The following DSCAML1 variants were observed in gnomAD, a reference collection of about 807,000 sequenced individuals.
The protein encoded by DSCAML1 is cell adhesion molecule DSCAML1.
A neutral mutation model predicts 200.5 loss-of-function variants in DSCAML1; 38 were observed. The ratio of observed to expected loss-of-function variants is 0.19; its 90% CI spans 0.15 to 0.25. The LOEUF is 0.25. Among genes scored for constraint, DSCAML1 ranks in the 10% least tolerant of loss-of-function variants. The pLI, the probability that DSCAML1 is intolerant of heterozygous loss-of-function variation, is 1.00. For missense variants in DSCAML1, 2,223 were observed against 2,858.8 expected (o/e 0.78, Z 5.07); for synonymous variants, 1,215 against 1,165.0 (o/e 1.04, Z -0.87).
intron 3 of DSCAML1, among the ~76,000 whole-genome samples, chr11:117,603,727 G>A (rs536756435): frequency 4.6e-5 from 7 of 152,144 alleles, no homozygotes; most frequent in Non-Finnish European, 8.8e-5. Context: ...AATCATTCTG[G>A]GTAATGAAGA....
intron 1 of DSCAML1, among the ~76,000 whole-genome samples, chr11:117,817,228 C>A (rs1366932974): frequency 1.3e-5 from 2 of 152,220 alleles, no homozygotes; most frequent in South Asian, 2.1e-4. Flanking sequence ...TTGCCCAAGG[C>A]CAGCACTTCT....
chr11:117,633,232 CCTGT>C (rs1181765237), intron 3 of DSCAML1, among the ~76,000 whole-genome samples: 2 of 152,072 alleles, frequency 1.3e-5, no homozygotes, highest in African/African-American at 4.8e-5. Flanking sequence ...CTCTCTGTGG[CCTGT>C]CTCTCTGTGG....
Position 117,480,527 on chromosome 11 carries a change from G to T in DSCAML1, c.2701C>A (p.Arg901=). ...PELEIREVKA[R]SMNLRWTQRF... is the part of the protein sequence containing the mutation. ...TGGGTCCAGCGCAGGTTCATGCTCC[G>T]GGCCTTCACCTCCCGGATCTCCAGC... The change falls in exon 14 of 33, where the codon CGG becomes AGG. Residue 901 remains arginine, a synonymous_variant. Transcript: ENST00000651296. This position sits in a 1 kb window ranked among gnomAD's most constrained non-coding sequence, Gnocchi z 4.1. 6.3e-7 allele frequency: 1 copy of T among 1,591,538 alleles called. No homozygotes were observed. Among genetic ancestry groups the T allele is most frequent in the African/African-American group, 1.3e-5 (1 of 74,660 alleles).
At position 117,624,490 on chromosome 11, in the gene DSCAML1, GT is replaced by G. The variant is rs1265062539; in HGVS notation, c.512-91969del. 2.0e-5 allele frequency among the ~76,000 whole-genome samples: 3 copies of G among 152,246 alleles called. No homozygotes were observed. In the East Asian group the frequency reaches 5.8e-4, roughly 29 times the overall value. On this transcript the variant is annotated intron_variant, in intron 3 of 32. Coordinates refer to ENST00000651296, the MANE Select transcript of DSCAML1 (RefSeq NM_020693.4). ...GTGCATTACAAGTTTAAAGCATCAG[GT>G]GCACTTGGATTTGGCCCTTTTGGGT...
chr11:117,652,404 C>T (rs772927344), intron 3 of DSCAML1, among the ~76,000 whole-genome samples: 1 of 152,226 alleles, frequency 6.6e-6, no homozygotes, highest in South Asian at 2.1e-4. Flanking sequence ...GGCGGCGTAG[C>T]CCCTGTCCCA....
intron 20 of DSCAML1, among the ~76,000 whole-genome samples, chr11:117,447,694 G>A (rs1042951213): frequency 9.9e-5 from 15 of 152,200 alleles, no homozygotes; most frequent in Admixed American, 3.9e-4. Flanking sequence ...GCCATACACA[G>A]TCTTTTCTGA....
intron 3 of DSCAML1, among the ~76,000 whole-genome samples, chr11:117,654,258 C>T (rs2052690636): frequency 6.6e-6 from 1 of 152,144 alleles, no homozygotes; most frequent in Non-Finnish European, 1.5e-5. Flanking sequence ...TAAAAGTTTT[C>T]TAACATTGAC....
chr11:117,564,382 C>T (rs2050716792), intron 3 of DSCAML1, among the ~76,000 whole-genome samples: 1 of 152,168 alleles, frequency 6.6e-6, no homozygotes, highest in Non-Finnish European at 1.5e-5. Context: ...TGTTTTTATT[C>T]ACCAGAGAAC....
At chr11:117,533,621 C>T (rs1272292304) in intron 3 of DSCAML1, among the ~76,000 whole-genome samples, 8 of 152,314 alleles carry the variant, frequency 5.3e-5, no homozygotes, top group East Asian at 1.9e-4. Flanking sequence ...ATCTCTGCCC[C>T]GACTGTTGGG....
At chr11:117,491,094 G>A (rs367560092) in intron 11 of DSCAML1, among the ~76,000 whole-genome samples, 1 of 152,350 alleles carries the variant, frequency 6.6e-6, no homozygotes, top group South Asian at 2.1e-4. Context: ...AGCGAGCAGT[G>A]TGTGTGGGAA....
chr11:117,435,579 G>A (rs146782057), intron 27 of DSCAML1, 65 bp downstream of exon 27: 6 of 1,485,822 alleles, frequency 4.0e-6, no homozygotes, highest in Admixed American at 3.8e-5. Context: ...AGCCAGGGAA[G>A]GGGGGGGACA....
rs1468626244 is a variant in DSCAML1, at chr11:117,477,376, GTGTGTGTGTGTGTGTA to G, written c.2785+3051_2785+3066del. On this transcript the variant is annotated intron_variant, in intron 14 of 32. Transcript: ENST00000651296. ...TGTGTGTGTGTGTGTGTGTGTGTGT[GTGTGTGTGTGTGTGTA>G]TGTGTGTGTGTATGTGTATATTCTC... Among the ~76,000 whole-genome samples the G allele has an allele frequency of 1.0e-3, 154 of 147,210 alleles. 2 individuals are homozygous for G. Among genetic ancestry groups the G allele is most frequent in the Middle Eastern group, 3.4e-3 (1 of 292 alleles).
chr11:117,466,560 G>A (rs189578254), intron 16 of DSCAML1, among the ~76,000 whole-genome samples: 1 of 152,288 alleles, frequency 6.6e-6, no homozygotes, highest in East Asian at 1.9e-4. Context: ...AATTAGCTGG[G>A]TGTGGTAGCA....
At chr11:117,796,840 C>T (rs1028707095) in intron 1 of DSCAML1, among the ~76,000 whole-genome samples, 194 bp downstream of exon 1, 2 of 152,080 alleles carry the variant, frequency 1.3e-5, no homozygotes, top group East Asian at 1.9e-4. Context: ...GGGTGGCTGG[C>T]GGAGCGGTCG....
chr11:117,731,756 C>T (rs964481701), intron 3 of DSCAML1, among the ~76,000 whole-genome samples: 1 of 152,228 alleles, frequency 6.6e-6, no homozygotes, highest in South Asian at 2.1e-4. Context: ...GAAAACACCT[C>T]TTATTTGTCT....
Position 117,431,596 on chromosome 11 carries a change from G to T in DSCAML1, c.5312C>A (p.Ser1771Tyr), listed in dbSNP as rs2047795967. 10 of 1,612,400 alleles carry T rather than the reference G, an allele frequency of 6.2e-6. No individual in the cohort carries two copies. Among genetic ancestry groups the T allele is most frequent in the Non-Finnish European group, 8.5e-6 (10 of 1,179,126 alleles). ...TLTSDWRTVG[S>Y]QHGVTVTESD... ...CTCAGTGACCGTGACACCATGCTGG[G>T]AGCCCACGGTGCGCCAGTCGGAGGT... The change falls in exon 31 of 33, where the codon TCC (serine) becomes TAC (tyrosine). Residue 1771 changes from serine to tyrosine, a missense_variant. Around this residue, in one of 7 missense-constraint regions of DSCAML1, gnomAD observed 614 missense variants for 739.1 expected, o/e 0.83. Coordinates refer to ENST00000651296, the MANE Select transcript of DSCAML1 (RefSeq NM_020693.4).
chr11:117,501,846 A>C (rs1007550750), intron 11 of DSCAML1, among the ~76,000 whole-genome samples: 1 of 152,072 alleles, frequency 6.6e-6, no homozygotes, highest in African/African-American at 2.4e-5. Context: ...AGAGAACTGA[A>C]GTAAGACACC....
Position 117,438,901 on chromosome 11 carries a change from C to A in DSCAML1, c.4227G>T (p.Gly1409=), listed in dbSNP as rs773004750. Reference sequence around the variant, plus strand: ...CCTCCTCACCTCGGATGGAGCTGCCCCCATTGTCACCTGGAATCCAGGTCA... The same window carrying A: ...CCTCCTCACCTCGGATGGAGCTGCCACCATTGTCACCTGGAATCCAGGTCA... The part of the protein sequence containing the change: ...ITLTWIPGDN[G]GSSIRGFVLQ... The change falls in exon 24 of 33, where the codon GGG becomes GGT. Residue 1409 remains glycine (G), a synonymous_variant. Transcript: ENST00000651296. The A allele has an allele frequency of 6.2e-7, 1 of 1,603,926 alleles. No individual in the cohort carries two copies. The highest frequency in any genetic ancestry group is 1.7e-5 in the Admixed American group (1 of 57,770).
At chr11:117,470,550 C>T (rs996979086) in intron 15 of DSCAML1, among the ~76,000 whole-genome samples, 6 of 152,186 alleles carry the variant, frequency 3.9e-5, no homozygotes, top group Admixed American at 3.3e-4. Flanking sequence ...AGAAAATTGG[C>T]ACAACACTTC....
Sources: allele counts gnomAD v4.1 joint callset (sites outside exome capture counted in the v4.1 genomes callset), GRCh38; gene constraint gnomAD v4.1.1; regional missense constraint gnomAD v4.1.1; non-coding constraint Gnocchi (gnomAD v3.1); transcripts MANE v1.5; gene names NCBI Gene and HGNC (gene_info 2026-07-23, HGNC 2026-07-21).